The following IFT46 variants were observed in gnomAD, a reference collection of about 807,000 sequenced individuals.
IFT46 encodes the protein intraflagellar transport 46.
In IFT46, 19 loss-of-function variants were observed where a neutral mutation model predicts 39.6. The ratio of observed to expected loss-of-function variants is 0.48; its 90% CI spans 0.33 to 0.70. The LOEUF (loss-of-function observed/expected upper bound fraction) is 0.70, where lower values mean the gene tolerates loss of function less well. Ranked by LOEUF, IFT46 falls within the 30% of genes least tolerant of loss-of-function variation. The pLI is 0.01. For synonymous variants in IFT46, 117 were observed against 134.8 expected (o/e 0.87, Z 0.91); for missense variants, 334 against 364.8 (o/e 0.92, Z 0.69).
chr11:118,570,053 T>TC (rs1555072123), upstream of IFT46, among the ~76,000 whole-genome samples: 1 of 146,178 alleles, frequency 6.8e-6, no homozygotes, highest in Non-Finnish European at 1.5e-5. Context: ...AGCTTTTTTT[T>TC]TTTTTTTTTT....
At chr11:118,576,199 G>A (rs1221588971), upstream of IFT46, among the ~76,000 whole-genome samples, 3 of 151,900 alleles carry the variant, frequency 2.0e-5, no homozygotes, top group African/African-American at 7.2e-5. Flanking sequence ...ATGTAGTTAA[G>A]TCTGTGTAGG....
At chr11:118,574,757 G>T (rs1480253756), upstream of IFT46, among the ~76,000 whole-genome samples, 1 of 145,332 alleles carries the variant, frequency 6.9e-6, no homozygotes, top group East Asian at 2.7e-4. Flanking sequence ...GGCATCTTTT[G>T]ATTTTTTTTT....
chr11:118,546,141 C>A (rs564564627), intron 9 of IFT46: 2 of 718,424 alleles, frequency 2.8e-6, no homozygotes, highest in South Asian at 3.0e-5. Context: ...AGGACAAAGA[C>A]GCATAACAGA....
chr11:118,572,340 C>G (rs1424487721), intron 1 of IFT46: 1 of 277,542 alleles, frequency 3.6e-6, no homozygotes, highest in South Asian at 4.5e-5. Context: ...CCCCAGCCCA[C>G]AGGCCCCGCC....
upstream of IFT46, among the ~76,000 whole-genome samples, chr11:118,570,282 G>A (rs970720011): frequency 1.3e-5 from 2 of 150,586 alleles, no homozygotes; most frequent in Non-Finnish European, 3.0e-5. Flanking sequence ...GGATGGTCTC[G>A]ATCTCTTGAC....
rs1555068665 is a variant in IFT46, at chr11:118,552,321, TA to T, written c.497del (p.Val166GlufsTer4). 2.5e-6 allele frequency: 4 copies of T among 1,614,268 alleles called. No individual in the cohort carries two copies. Among genetic ancestry groups the T allele is most frequent in the Non-Finnish European group, 3.4e-6 (4 of 1,180,040 alleles). ...TCTTTTCTGCATCTTCTAGGCTTTT[TA>T]CTTTCATATGTTGCTAGGAAAGTAA... is the stretch of plus-strand genomic sequence containing the variant. ...KQHNITQHMK[V>X]KSLEDAEKNP... is the part of the protein sequence containing the mutation. On this transcript the variant is annotated frameshift_variant, in exon 8 of 12. Coordinates refer to ENST00000264021, the MANE Select transcript of IFT46 (RefSeq NM_001168618.2). LOFTEE classifies it high-confidence loss of function.
upstream of IFT46, among the ~76,000 whole-genome samples, chr11:118,574,092 C>T (rs144538427): frequency 9.4e-4 from 143 of 152,164 alleles, 4 homozygotes; most frequent in East Asian, 0.012. Context: ...TAAAGCCCTA[C>T]GTGATATATA....
At chr11:118,552,718 A>T (rs1937684952) in intron 7 of IFT46, among the ~76,000 whole-genome samples, 6 of 151,836 alleles carry the variant, frequency 4.0e-5, no homozygotes, top group Non-Finnish European at 5.9e-5. Flanking sequence ...ACTTGAGCCC[A>T]GGCGTTTGAG....
intron 9 of IFT46, among the ~76,000 whole-genome samples, chr11:118,548,365 G>A (rs1278627561): frequency 2.1e-5 from 3 of 143,422 alleles, no homozygotes; most frequent in Non-Finnish European, 3.0e-5. Context: ...TCTCCATTAC[G>A]ACTTTTTTTT....
At chr11:118,550,907 A>G (rs1328261683) in intron 9 of IFT46, among the ~76,000 whole-genome samples, 1 of 151,562 alleles carries the variant, frequency 6.6e-6, no homozygotes, top group Non-Finnish European at 1.5e-5. Flanking sequence ...GATGCCTGTA[A>G]TCCCAGCTAC....
At chr11:118,570,200 C>T (rs953904024), upstream of IFT46, among the ~76,000 whole-genome samples, 2 of 151,536 alleles carry the variant, frequency 1.3e-5, no homozygotes, top group Non-Finnish European at 2.9e-5. Flanking sequence ...ACTACAGGCA[C>T]GCGCCACCAT....
At chr11:118,557,339 T>C (rs1401327594) in intron 3 of IFT46, 1 of 406,882 alleles carries the variant, frequency 2.5e-6, no homozygotes, top group African/African-American at 2.1e-5. Flanking sequence ...GTGTACACTT[T>C]AGACAGCTTC....
At chr11:118,573,955 T>G (rs1555072975), upstream of IFT46, among the ~76,000 whole-genome samples, 4 of 152,250 alleles carry the variant, frequency 2.6e-5, no homozygotes, top group Non-Finnish European at 5.9e-5. Flanking sequence ...GAGCATATTT[T>G]TATTTTAATA....
At chr11:118,555,181 C>T in intron 5 of IFT46, 67 bp downstream of exon 5, 1 of 1,547,252 alleles carries the variant, frequency 6.5e-7, no homozygotes, top group Non-Finnish European at 8.9e-7. Flanking sequence ...CTGTTTCAGA[C>T]TAGAGATAGG....
intron 2 of IFT46, among the ~76,000 whole-genome samples, chr11:118,562,268 C>A (rs1296731397): frequency 2.0e-5 from 3 of 151,224 alleles, no homozygotes; most frequent in Non-Finnish European, 4.4e-5. Context: ...CAGAGCAAGA[C>A]TCCATCTCAA....
chr11:118,575,382 A>T, upstream of IFT46, among the ~76,000 whole-genome samples: 1 of 151,812 alleles, frequency 6.6e-6, no homozygotes, highest in East Asian at 1.9e-4. Flanking sequence ...ATGTCTTCAT[A>T]TAGAAGTTCA....
intron 9 of IFT46, chr11:118,546,101 T>C: frequency 1.4e-6 from 1 of 718,542 alleles, no homozygotes; most frequent in Non-Finnish European, 2.6e-6. Context: ...TAATCCAGTA[T>C]GACTGGTGTC....
At chr11:118,572,480 G>A (rs1267579050) in intron 1 of IFT46, 5 of 1,570,966 alleles carry the variant, frequency 3.2e-6, no homozygotes, top group Middle Eastern at 3.3e-4. Context: ...TGGTGCTCCC[G>A]TTCCCCAGAC....
At chr11:118,562,871 C>T (rs1396280171) in intron 2 of IFT46, among the ~76,000 whole-genome samples, 4 of 152,090 alleles carry the variant, frequency 2.6e-5, no homozygotes, top group South Asian at 2.1e-4. Flanking sequence ...CGAGGCCATC[C>T]GGGCCAACAT....
Sources: allele counts gnomAD v4.1 joint callset (sites outside exome capture counted in the v4.1 genomes callset), GRCh38; gene constraint gnomAD v4.1.1; transcripts MANE v1.5; gene names NCBI Gene and HGNC (gene_info 2026-07-23, HGNC 2026-07-21).